Variants in CEP350 observed in about 807,000 individuals in gnomAD.
CEP350 encodes centrosomal protein 350.
A neutral mutation model predicts 331.8 loss-of-function variants in CEP350; 126 were observed. The observed-to-expected ratio is 0.38, with a 90% confidence interval of 0.33 to 0.44. CEP350 has a LOEUF of 0.44. Among genes scored for constraint, CEP350 ranks in the 20% least tolerant of loss-of-function variants. The probability of loss-of-function intolerance (pLI) is 1.00; values close to 1 mark genes in which losing one functional copy is unlikely to be tolerated. For missense variants in CEP350, 3,406 were observed against 3,634.6 expected, an observed-to-expected ratio of 0.94 and a Z score of 1.62; for synonymous variants, 1,200 against 1,259.5, an observed-to-expected ratio of 0.95 and a Z score of 1.00.
At chr1:180,087,848 T>A (rs1487557382) in intron 32 of CEP350, 131 bp downstream of exon 32, 1 of 1,002,386 alleles carries the variant, frequency 1.0e-6, no homozygotes, top group Non-Finnish European at 1.3e-6. Flanking sequence ...ATTTTTAGTG[T>A]CAGTAAATTA....
chr1:180,054,275 G>T lies in CEP350; in HGVS notation c.5175-140G>T, dbSNP rs190882366. ...TACTTATTTGGATATTAATGGTTAC[G>T]GCTACATGTAGCAACTGCTTTTCAC... On this transcript the variant is annotated intron_variant, in intron 24 of 37. Coordinates refer to ENST00000367607, the MANE Select transcript of CEP350 (RefSeq NM_014810.5). 4.7e-4 allele frequency: 337 copies of T among 712,896 alleles called. 4 individuals carry two copies. The African/African-American group carries it at 5.6e-3, about 12-fold the overall frequency. The allele number at this position is 712,896 out of a possible 1,614,324, so 44.2% of individuals were successfully genotyped here.
chr1:180,110,985 T>A lies in CEP350; in HGVS notation c.9190-12T>A. On this transcript the variant is annotated splice_polypyrimidine_tract_variant and intron_variant, in intron 37 of 37. Transcript: ENST00000367607. ...CAGGAATTTTCTAACCTTATTGTCT[T>A]CTAAATCCTAGGTTCAGGAGCTCCA... is the stretch of plus-strand genomic sequence containing the variant. 6.2e-7 allele frequency: 1 copy of A among 1,612,274 alleles called. No homozygotes were observed. The highest frequency in any genetic ancestry group is 1.3e-5 in the African/African-American group (1 of 74,978).
chr1:180,072,891 A>C (rs946573696), intron 27 of CEP350, among the ~76,000 whole-genome samples: 8 of 152,346 alleles, frequency 5.3e-5, no homozygotes, highest in South Asian at 2.1e-4. Context: ...TGTCATGTGC[A>C]TGTGAACAGG....
chr1:180,062,988 A>G (rs1188610136), intron 26 of CEP350, among the ~76,000 whole-genome samples: 1 of 152,128 alleles, frequency 6.6e-6, no homozygotes, highest in Non-Finnish European at 1.5e-5. Context: ...ATACAATATT[A>G]GTTTAATTTA....
Position 180,041,262 on chromosome 1 carries a change from C to T in CEP350, c.4221+14C>T. On this transcript the variant is annotated intron_variant, in intron 18 of 37. Transcript: ENST00000367607. Reference sequence around the variant, plus strand: ...AAAGCAGCTCAGGTAACTTATTTTGCAGCAGGTTCTTGTTTTTTAAACCTA... The same window carrying T: ...AAAGCAGCTCAGGTAACTTATTTTGTAGCAGGTTCTTGTTTTTTAAACCTA... The T allele has an allele frequency of 6.5e-7, 1 of 1,539,306 alleles. No homozygotes were observed. Among genetic ancestry groups the T allele is most frequent in the Non-Finnish European group, 8.8e-7 (1 of 1,141,674 alleles).
intron 27 of CEP350, among the ~76,000 whole-genome samples, chr1:180,074,213 T>C (rs1406319788): frequency 6.6e-6 from 1 of 152,184 alleles, no homozygotes; most frequent in Non-Finnish European, 1.5e-5. Context: ...TTTTATTTAG[T>C]TGTGGCATCT....
At chr1:180,032,780 T>G (rs1017068507) in intron 15 of CEP350, among the ~76,000 whole-genome samples, 1 of 152,144 alleles carries the variant, frequency 6.6e-6, no homozygotes, top group Non-Finnish European at 1.5e-5. Flanking sequence ...AAATATAAAT[T>G]CATCTTATAA....
In CEP350 at chr1:180,052,336, G is replaced by A. The variant is rs1326419891; in HGVS notation, c.4793-634G>A. 5 of 385,018 alleles carry A rather than the reference G, an allele frequency of 1.3e-5. No homozygotes were observed. In the East Asian group the frequency reaches 3.2e-4, roughly 25 times the overall value. The allele number at this position is 385,018 out of a possible 1,614,324, so 23.9% of individuals were successfully genotyped here. ...TTACAGGTGTGAGCCCCTGTGCCTG[G>A]CCCCTAGATTGTGGTTTCTAAATAT... On this transcript the variant is annotated intron_variant, in intron 22 of 37. Transcript: ENST00000367607.
intron 3 of CEP350, among the ~76,000 whole-genome samples, chr1:179,988,737 G>A (rs184872283): frequency 6.7e-6 from 1 of 149,652 alleles, no homozygotes; most frequent in East Asian, 2.0e-4. Context: ...TGTTTTCTAT[G>A]CCACCTGATT....
chr1:179,986,088 A>G, intron 1 of CEP350, 81 bp from the exon 2 acceptor site: 1 of 1,127,130 alleles, frequency 8.9e-7, no homozygotes. Context: ...AGTAGTCATA[A>G]TATAATTTTT....
At chr1:179,974,897 A>C (rs1651741250) in intron 1 of CEP350, among the ~76,000 whole-genome samples, 1 of 152,148 alleles carries the variant, frequency 6.6e-6, no homozygotes, top group African/African-American at 2.4e-5. Context: ...AGGCTGAGGC[A>C]GGTGGATCGC....
chr1:180,089,342 T>C (rs1660037771), intron 32 of CEP350, among the ~76,000 whole-genome samples: 2 of 152,070 alleles, frequency 1.3e-5, no homozygotes, highest in African/African-American at 4.8e-5. Flanking sequence ...TCCCATCACT[T>C]TGGGAGACTG....
At chr1:180,055,546 C>CTTTTT (rs71118430) in intron 25 of CEP350, among the ~76,000 whole-genome samples, 103 of 87,462 alleles carry the variant, frequency 1.2e-3, no homozygotes, top group African/African-American at 1.9e-3. Context: ...TGAATTCCAT[C>CTTTTT]TTTTTTTTTT....
chr1:180,018,769 C>T (rs1257490491), intron 11 of CEP350, among the ~76,000 whole-genome samples: 1 of 151,974 alleles, frequency 6.6e-6, no homozygotes, highest in African/African-American at 2.4e-5. Context: ...CTGTCATCTG[C>T]AAGTTTGATA....
At position 180,053,111 on chromosome 1, in the gene CEP350, A is replaced by T. The variant is rs763479176; in HGVS notation, c.4934A>T (p.His1645Leu). The T allele has an allele frequency of 6.8e-6, 11 of 1,607,954 alleles. No individual in the cohort carries two copies. The highest frequency in any genetic ancestry group is 3.3e-4 in the Middle Eastern group (2 of 6,064). Residue 1645 changes from histidine to leucine, a missense_variant, in exon 23 of 38, where the codon CAT becomes CTT. His to Leu is a moderately conservative substitution (Grantham distance 99). Around this residue, in one of 5 missense-constraint regions of CEP350, gnomAD observed 104 missense variants for 143.3 expected, o/e 0.73. Coordinates refer to ENST00000367607, the MANE Select transcript of CEP350 (RefSeq NM_014810.5). The part of the protein sequence containing the change: ...RFNMEKRRGH[H>L]DDSDEEASPE... ...AACATGGAAAAGAGAAGAGGTCATC[A>T]TGATGACTCTGATGAAGAAGCTTCT...
At chr1:180,007,386 G>T (rs994223095) in intron 8 of CEP350, among the ~76,000 whole-genome samples, 1 of 151,898 alleles carries the variant, frequency 6.6e-6, no homozygotes, top group Non-Finnish European at 1.5e-5. Flanking sequence ...TTTCATGTTT[G>T]TTGGCCGCAT....
At chr1:180,090,130 G>A (rs1020558964) in intron 32 of CEP350, among the ~76,000 whole-genome samples, 1 of 152,150 alleles carries the variant, frequency 6.6e-6, no homozygotes, top group African/African-American at 2.4e-5. Context: ...AGTTAGGATG[G>A]CTGTGAATAT....
intron 19 of CEP350, 78 bp downstream of exon 19, chr1:180,041,880 T>G: frequency 7.5e-7 from 1 of 1,327,498 alleles, no homozygotes; most frequent in Non-Finnish European, 1.0e-6. Context: ...GTAATGGGTT[T>G]CTAATATCTT....
chr1:180,071,274 A>G (rs191417572), intron 27 of CEP350, among the ~76,000 whole-genome samples: 4,514 of 151,006 alleles, frequency 0.03, 115 homozygotes, highest in South Asian at 0.071. Context: ...CCTGGCCCAC[A>G]TGGTAAAACC....
Sources: allele counts gnomAD v4.1 joint callset (sites outside exome capture counted in the v4.1 genomes callset), GRCh38; gene constraint gnomAD v4.1.1; regional missense constraint gnomAD v4.1.1; transcripts MANE v1.5; gene names NCBI Gene and HGNC (gene_info 2026-07-23, HGNC 2026-07-21).